The following TAF13 variants were observed in gnomAD, a reference collection of about 807,000 sequenced individuals.
TAF13 encodes transcription initiation factor TFIID subunit 13.
A neutral mutation model predicts 18.7 loss-of-function variants in TAF13; 9 were observed. The observed-to-expected ratio is 0.48, with a 90% CI of 0.29 to 0.84. TAF13 has a LOEUF of 0.84. TAF13 is among the 40% of genes least tolerant of loss of function. The pLI is 0.08. For synonymous variants in TAF13, 49 were observed against 44.1 expected, an observed-to-expected ratio of 1.11 and a Z score of -0.44; for missense variants, 105 against 146.5, an observed-to-expected ratio of 0.72 and a Z score of 1.46.
intron 1 of TAF13, 86 bp downstream of exon 1, chr1:109,075,835 A>G (rs1571301482): frequency 1.3e-6 from 2 of 1,578,084 alleles, no homozygotes; most frequent in Non-Finnish European, 1.7e-6. Flanking sequence ...CACTAAGGCA[A>G]GCAGACCCGA....
In TAF13 at chr1:109,064,408, T is replaced by C; in HGVS notation, c.*115A>G. On this transcript the variant is annotated 3_prime_UTR_variant, in exon 4 of 4. Coordinates refer to ENST00000338366, the MANE Select transcript of TAF13 (RefSeq NM_005645.4). ...GGCATAAAAATAAAGGCTGAAAACT[T>C]TGTGTTTCTCCATCTTTCATTTACA... The C allele has an allele frequency of 9.8e-7, 1 of 1,015,686 alleles. No individual in the cohort carries two copies. Among genetic ancestry groups the C allele is most frequent in the Non-Finnish European group, 1.3e-6 (1 of 756,146 alleles). The allele number at this position is 1,015,686 out of a possible 1,614,324, so 62.9% of individuals were successfully genotyped here.
intron 2 of TAF13, among the ~76,000 whole-genome samples, chr1:109,068,705 T>C: frequency 6.6e-6 from 1 of 151,904 alleles, no homozygotes; most frequent in South Asian, 2.1e-4. Context: ...GAGACAAGCT[T>C]TAAGAAGTCC....
At chr1:109,074,384 C>G (rs1462179047) in intron 2 of TAF13, among the ~76,000 whole-genome samples, 3 of 151,958 alleles carry the variant, frequency 2.0e-5, no homozygotes, top group Admixed American at 6.6e-5. Context: ...GCAGCATGCT[C>G]GTTAAGAGTC....
At chr1:109,068,479 T>C (rs1437842635) in intron 2 of TAF13, among the ~76,000 whole-genome samples, 1 of 152,126 alleles carries the variant, frequency 6.6e-6, no homozygotes, top group Non-Finnish European at 1.5e-5. Context: ...CTATGTTGCC[T>C]AGGCAGTTTT....
intron 2 of TAF13, among the ~76,000 whole-genome samples, chr1:109,069,088 G>C (rs1664005414): frequency 6.6e-6 from 1 of 152,130 alleles, no homozygotes; most frequent in Non-Finnish European, 1.5e-5. Flanking sequence ...ATTTTTCTGG[G>C]AATAATTATA....
intron 2 of TAF13, among the ~76,000 whole-genome samples, chr1:109,073,918 G>A (rs1664128956): frequency 6.6e-6 from 1 of 152,034 alleles, no homozygotes; most frequent in Admixed American, 6.5e-5. Context: ...TCTGGGAGGT[G>A]AGGAGCACCG....
chr1:109,068,398 A>T (rs1391634197), intron 2 of TAF13, among the ~76,000 whole-genome samples: 1 of 152,148 alleles, frequency 6.6e-6, no homozygotes, highest in African/African-American at 2.4e-5. Flanking sequence ...TGGCCTCCCA[A>T]ATTATTGGGA....
chr1:109,065,413 C>T (rs918659249), intron 3 of TAF13, among the ~76,000 whole-genome samples: 2 of 151,836 alleles, frequency 1.3e-5, no homozygotes, highest in Non-Finnish European at 2.9e-5. Flanking sequence ...CACTTGAGTC[C>T]GGAAGGTCTC....
In TAF13 at chr1:109,075,802, C is replaced by T; in HGVS notation, c.27+119G>A. The T allele has an allele frequency of 4.4e-6, 6 of 1,350,398 alleles. No homozygotes were observed. The South Asian group carries it at 7.2e-5, about 16-fold the overall frequency. The allele number at this position is 1,350,398 out of a possible 1,614,324, so 83.7% of individuals were successfully genotyped here. The stretch of plus-strand genomic sequence containing the variant: ...ATGATCAATCCTTAGGGCGTGAAGT[C>T]CCCGAACTCTGTCCGCTGAATTCAC... On this transcript the variant is annotated intron_variant, in intron 1 of 3. Coordinates refer to ENST00000338366, the MANE Select transcript of TAF13 (RefSeq NM_005645.4).
intron 2 of TAF13, among the ~76,000 whole-genome samples, chr1:109,074,579 C>G (rs1408233736): frequency 6.6e-6 from 1 of 151,894 alleles, no homozygotes; most frequent in African/African-American, 2.4e-5. Flanking sequence ...TCAATAAATA[C>G]TAAAAAAATT....
In TAF13 at chr1:109,064,430, T is replaced by G; in HGVS notation, c.*93A>C. The G allele has an allele frequency of 8.6e-7, 1 of 1,167,230 alleles. No homozygotes were observed. The highest frequency in any genetic ancestry group is 3.0e-5 in the South Asian group (1 of 32,808). The allele number at this position is 1,167,230 out of a possible 1,614,324, so 72.3% of individuals were successfully genotyped here. A position where few individuals can be genotyped will look rare whatever the true frequency, so the allele number is the denominator to read the frequency against. On this transcript the variant is annotated 3_prime_UTR_variant, in exon 4 of 4. Coordinates refer to ENST00000338366, the MANE Select transcript of TAF13 (RefSeq NM_005645.4). ...ACTTTGTGTTTCTCCATCTTTCATT[T>G]ACATGGCTAGATATCAGAATCTTAC... is the stretch of plus-strand genomic sequence containing the variant.
At chr1:109,074,245 G>C (rs1664139331) in intron 2 of TAF13, among the ~76,000 whole-genome samples, 1 of 152,210 alleles carries the variant, frequency 6.6e-6, no homozygotes, top group African/African-American at 2.4e-5. Flanking sequence ...AAATTCTTCT[G>C]CCTTGGGATG....
chr1:109,073,843 G>C (rs545880153), intron 2 of TAF13, among the ~76,000 whole-genome samples: 6 of 152,252 alleles, frequency 3.9e-5, no homozygotes, highest in Non-Finnish European at 8.8e-5. Context: ...GGGATGTGGG[G>C]AAGCACCTCT....
At chr1:109,069,127 T>C (rs1049858990) in intron 2 of TAF13, among the ~76,000 whole-genome samples, 1 of 152,188 alleles carries the variant, frequency 6.6e-6, no homozygotes. Context: ...AAGGGGTATA[T>C]GTAAATGGTA....
At chr1:109,075,858 C>T (rs1571301488) in intron 1 of TAF13, 63 bp downstream of exon 1, 2 of 1,609,720 alleles carry the variant, frequency 1.2e-6, no homozygotes, top group East Asian at 2.2e-5. Context: ...CTGAACTCTG[C>T]CTCCGCTACT....
rs899307925 is a variant in TAF13, at chr1:109,067,559, G to C, written c.107-1327C>G. ...CAGGAGGCAGAGGTTGCAGTGAGCT[G>C]AGAATGCGCCACTGCACTCCAGCCT... On this transcript the variant is annotated intron_variant, in intron 2 of 3. Coordinates refer to ENST00000338366, the MANE Select transcript of TAF13 (RefSeq NM_005645.4). Among the ~76,000 whole-genome samples, 11 of 152,224 alleles carry C rather than the reference G, an allele frequency of 7.2e-5. No individual in the cohort carries two copies. In the East Asian group the frequency reaches 1.7e-3, roughly 24 times the overall value.
intron 3 of TAF13, among the ~76,000 whole-genome samples, chr1:109,065,758 A>G (rs1397625677): frequency 6.6e-6 from 1 of 152,172 alleles, no homozygotes; most frequent in East Asian, 1.9e-4. Flanking sequence ...CCCTGTCTCT[A>G]CTAAAAATAC....
intron 3 of TAF13, among the ~76,000 whole-genome samples, chr1:109,065,062 C>T (rs186521129): frequency 3.9e-5 from 6 of 152,222 alleles, no homozygotes; most frequent in Admixed American, 3.3e-4. Context: ...TCTTAATACC[C>T]AATAAATATT....
intron 2 of TAF13, among the ~76,000 whole-genome samples, chr1:109,067,463 A>G (rs1663970478): frequency 1.3e-5 from 2 of 151,080 alleles, no homozygotes; most frequent in South Asian, 4.2e-4. Context: ...CACAAAAGTC[A>G]GCTGGGGGTG....
Sources: gnomAD v4.1 joint callset for allele counts (sites outside exome capture counted in the v4.1 genomes callset) on GRCh38, gnomAD v4.1.1 for gene constraint, MANE v1.5 for transcripts, NCBI Gene and HGNC (gene_info 2026-07-23, HGNC 2026-07-21) for gene names.